The following SPIDR variants were observed in gnomAD, a reference collection of about 807,000 sequenced individuals.
The protein encoded by SPIDR is DNA repair-scaffolding protein.
SPIDR carries 93 observed loss-of-function variants against 104.6 expected under a neutral mutation model. The ratio of observed to expected loss-of-function variants is 0.89; its 90% CI spans 0.75 to 1.06. The LOEUF (loss-of-function observed/expected upper bound fraction) is 1.06, where lower values mean the gene tolerates loss of function less well. Among genes scored for constraint, SPIDR ranks in the 50% least tolerant of loss-of-function variants. The pLI is 0.00. For synonymous variants in SPIDR, 431 were observed against 416.9 expected, an observed-to-expected ratio of 1.03 and a Z score of -0.41; for missense variants, 1,154 against 1,111.2, an observed-to-expected ratio of 1.04 and a Z score of -0.55.
chr8:47,348,791 A>G (rs571098673), intron 5 of SPIDR, among the ~76,000 whole-genome samples: 25 of 152,272 alleles, frequency 1.6e-4, no homozygotes, highest in African/African-American at 6.0e-4. Flanking sequence ...CGTGGCTTTC[A>G]GCTCCATCAG....
chr8:47,326,504 C>T (rs1386492546), intron 5 of SPIDR, among the ~76,000 whole-genome samples: 1 of 152,200 alleles, frequency 6.6e-6, no homozygotes, highest in Non-Finnish European at 1.5e-5. Context: ...GTGAATAATT[C>T]AGTGGCACTT....
At chr8:47,321,488 A>G (rs1303248630) in intron 5 of SPIDR, among the ~76,000 whole-genome samples, 1 of 152,254 alleles carries the variant, frequency 6.6e-6, no homozygotes, top group Non-Finnish European at 1.5e-5. Flanking sequence ...ATGGACAGGA[A>G]GAATCAGTAT....
chr8:47,559,581 T>G (rs2056816745), intron 8 of SPIDR, among the ~76,000 whole-genome samples: 1 of 152,204 alleles, frequency 6.6e-6, no homozygotes, highest in Non-Finnish European at 1.5e-5. Context: ...GTGATCCTGA[T>G]AATTCGTGGG....
intron 5 of SPIDR, among the ~76,000 whole-genome samples, chr8:47,393,620 CTTTTCTTTTT>C (rs1263212544): frequency 2.6e-5 from 4 of 151,964 alleles, no homozygotes; most frequent in Non-Finnish European, 4.4e-5. Flanking sequence ...AACCTCTTTT[CTTTTCTTTTT>C]TTTTCTTTTC....
chr8:47,685,126 C>T (rs977700041), intron 11 of SPIDR, among the ~76,000 whole-genome samples: 3 of 152,132 alleles, frequency 2.0e-5, no homozygotes, highest in South Asian at 2.1e-4. Flanking sequence ...GCCGGAGAAT[C>T]GCTTGAACCC....
At chr8:47,408,264 ATT>A (rs1292077435) in intron 7 of SPIDR, among the ~76,000 whole-genome samples, 2 of 152,040 alleles carry the variant, frequency 1.3e-5, no homozygotes, top group African/African-American at 2.4e-5. Flanking sequence ...AGCAAAATTT[ATT>A]TTGTTTTATT....
chr8:47,355,446 T>TA (rs1554625201), intron 5 of SPIDR, among the ~76,000 whole-genome samples: 1 of 152,124 alleles, frequency 6.6e-6, no homozygotes, highest in African/African-American at 2.4e-5. Flanking sequence ...ACCAGGTACT[T>TA]AAAACCTGAA....
At chr8:47,554,655 C>G (rs2091083162) in intron 8 of SPIDR, among the ~76,000 whole-genome samples, 1 of 152,198 alleles carries the variant, frequency 6.6e-6, no homozygotes, top group Admixed American at 6.5e-5. Context: ...TCTGTCACGG[C>G]TTCCCTTCCT....
At chr8:47,418,385 A>G (rs782505796) in intron 7 of SPIDR, among the ~76,000 whole-genome samples, 4 of 152,096 alleles carry the variant, frequency 2.6e-5, no homozygotes, top group Admixed American at 6.6e-5. Flanking sequence ...CTTTGAAGCA[A>G]TTGTGTATGG....
At chr8:47,462,268 G>A (rs1419316391) in intron 8 of SPIDR, among the ~76,000 whole-genome samples, 3 of 152,172 alleles carry the variant, frequency 2.0e-5, no homozygotes, top group East Asian at 1.9e-4. Context: ...AATGTGAACC[G>A]TCTTGAGGTT....
chr8:47,659,967 T>A (rs928245417), intron 10 of SPIDR, among the ~76,000 whole-genome samples: 1 of 152,218 alleles, frequency 6.6e-6, no homozygotes, highest in African/African-American at 2.4e-5. Flanking sequence ...TAATCTGCCC[T>A]CTCAGCACAT....
At chr8:47,630,598 C>G (rs1385745362) in intron 10 of SPIDR, among the ~76,000 whole-genome samples, 2 of 152,196 alleles carry the variant, frequency 1.3e-5, no homozygotes, top group East Asian at 1.9e-4. Context: ...CTACATCCAT[C>G]CTGGGTGATC....
At chr8:47,561,687 T>C (rs2057099057) in intron 8 of SPIDR, among the ~76,000 whole-genome samples, 1 of 152,078 alleles carries the variant, frequency 6.6e-6, no homozygotes, top group Non-Finnish European at 1.5e-5. Context: ...CTCCCCCATC[T>C]CCCTCTGGCA....
At position 47,587,749 on chromosome 8, in the gene SPIDR, G is replaced by C. The variant is rs115131403; in HGVS notation, c.1098-8062G>C. On this transcript the variant is annotated intron_variant, in intron 8 of 19. Coordinates refer to ENST00000297423, the MANE Select transcript of SPIDR (RefSeq NM_001080394.4). ...TTGAGGCTGGCCTGGGCAACATAGT[G>C]AGACCCTATCTCTAAAACAAAAACA... 9.9e-3 allele frequency among the ~76,000 whole-genome samples: 1,501 copies of C among 151,182 alleles called. 29 individuals carry two copies. The highest frequency in any genetic ancestry group is 0.034 in the African/African-American group (1,386 of 41,198).
At chr8:47,585,129 G>A (rs927426736) in intron 8 of SPIDR, among the ~76,000 whole-genome samples, 1 of 152,118 alleles carries the variant, frequency 6.6e-6, no homozygotes, top group Non-Finnish European at 1.5e-5. Context: ...TTAATCATAT[G>A]CCTCCGTGTT....
intron 8 of SPIDR, among the ~76,000 whole-genome samples, chr8:47,497,819 A>G (rs1198142579): frequency 6.6e-6 from 1 of 152,212 alleles, no homozygotes; most frequent in Non-Finnish European, 1.5e-5. Context: ...TCTACAGTCC[A>G]TCTGGTCTTT....
chr8:47,378,148 C>G (rs1376696572), intron 5 of SPIDR, among the ~76,000 whole-genome samples: 1 of 152,162 alleles, frequency 6.6e-6, no homozygotes, highest in Non-Finnish European at 1.5e-5. Flanking sequence ...TTCTTAGGGA[C>G]TGAGAGTACC....
At chr8:47,311,955 T>TGA (rs1359641338) in intron 5 of SPIDR, among the ~76,000 whole-genome samples, 2 of 152,004 alleles carry the variant, frequency 1.3e-5, no homozygotes, top group African/African-American at 4.8e-5. Context: ...CACCTATGAG[T>TGA]GAGAACATGC....
intron 5 of SPIDR, among the ~76,000 whole-genome samples, chr8:47,321,133 A>C (rs996641948): frequency 5.3e-5 from 8 of 152,204 alleles, no homozygotes; most frequent in African/African-American, 1.9e-4. Context: ...GTATTCAATT[A>C]GGAAAAGAGG....
Sources: allele counts gnomAD v4.1 joint callset (sites outside exome capture counted in the v4.1 genomes callset), GRCh38; gene constraint gnomAD v4.1.1; transcripts MANE v1.5; gene names NCBI Gene and HGNC (gene_info 2026-07-23, HGNC 2026-07-21).